The following NSD1 variants were observed in gnomAD, a reference collection of about 807,000 sequenced individuals.
NSD1 encodes the protein histone-lysine N-methyltransferase, H3 lysine-36 specific.
A neutral mutation model predicts 242.7 loss-of-function variants in NSD1; 26 were observed. The ratio of observed to expected loss-of-function variants is 0.11; its 90% confidence interval spans 0.08 to 0.15. NSD1 has a LOEUF of 0.15. Ranked by LOEUF, NSD1 falls within the 10% of genes least tolerant of loss-of-function variation. NSD1 has a pLI of 1.00. For missense variants in NSD1, 2,495 were observed against 3,272.8 expected, an observed-to-expected ratio of 0.76 and a Z score of 5.80; for synonymous variants, 1,106 against 1,178.1, an observed-to-expected ratio of 0.94 and a Z score of 1.25.
chr5:177,211,905 A>G lies in NSD1; in HGVS notation c.3506A>G (p.Lys1169Arg), dbSNP rs751854354. The G allele has an allele frequency of 6.2e-7, 1 of 1,609,458 alleles. No individual in the cohort carries two copies. Among genetic ancestry groups the G allele is most frequent in the South Asian group, 1.1e-5 (1 of 90,506 alleles). The change falls in exon 5 of 23, where the codon AAA becomes AGA. Residue 1169 changes from lysine (K) to arginine (R), a missense_variant. By Grantham distance (26) the Lys-to-Arg change is conservative. This residue lies in a region of NSD1 where 426 missense variants were observed against 411.4 expected (regional missense o/e 1.04). Transcript: ENST00000439151. The part of the protein sequence containing the change: ...RWQRLNQRRT[K>R]PRKRMNRFKE... ...CAGCGTTTAAACCAAAGGCGCACTAAACCTCGTAAGCGCATGAACAGATTT... is the reference window on the plus strand; with the variant it reads ...CAGCGTTTAAACCAAAGGCGCACTAGACCTCGTAAGCGCATGAACAGATTT...
In NSD1 at chr5:177,296,421, G is replaced by A; in HGVS notation, c.*962G>A. ...CCCTATTTCCCTAAAACACTCAGGT[G>A]CTTTCAGATTTCAGAGCCTCGGGCA... On this transcript the variant is annotated 3_prime_UTR_variant, in exon 23 of 23. Coordinates refer to ENST00000439151, the MANE Select transcript of NSD1 (RefSeq NM_022455.5). 1 of 233,312 alleles carries A rather than the reference G, an allele frequency of 4.3e-6. No homozygotes were observed. The highest frequency in any genetic ancestry group is 8.5e-6 in the Non-Finnish European group (1 of 118,078). 14.5% of individuals were successfully genotyped at this position (233,312 alleles called of 1,614,324 possible). A position where few individuals can be genotyped will look rare whatever the true frequency, so the allele number is the denominator to read the frequency against.
chr5:177,148,984 A>T (rs909057363), intron 2 of NSD1, among the ~76,000 whole-genome samples: 2 of 150,598 alleles, frequency 1.3e-5, no homozygotes, highest in Non-Finnish European at 3.0e-5. Context: ...TGCCTGGCTA[A>T]TTTTTTGTAT....
chr5:177,291,896 G>T, intron 21 of NSD1, 58 bp from the exon 22 acceptor site: 1 of 1,507,732 alleles, frequency 6.6e-7, no homozygotes, highest in Non-Finnish European at 9.2e-7. Flanking sequence ...AGTTAACCCG[G>T]TTAAGATTGG....
rs1185587844 is a variant in NSD1, at chr5:177,173,283, C to G, written c.928-18601C>G. Among the ~76,000 whole-genome samples the G allele has an allele frequency of 1.5e-4, 15 of 99,680 alleles. No individual in the cohort carries two copies. In the Admixed American group the frequency reaches 1.7e-3, roughly 12 times the overall value. The allele number at this position is 99,680 out of a possible 152,430, so 65.4% of individuals were successfully genotyped here. A position where few individuals can be genotyped will look rare whatever the true frequency, so the allele number is the denominator to read the frequency against. ...CTCCAGCCTTGGCGAAAGAGCTAGA[C>G]TCTGTCTCAAAAAAAAAAAAAAAAA... On this transcript the variant is annotated intron_variant, in intron 2 of 22. Coordinates refer to ENST00000439151, the MANE Select transcript of NSD1 (RefSeq NM_022455.5).
At chr5:177,138,859 G>C (rs1371898772) in intron 2 of NSD1, among the ~76,000 whole-genome samples, 1 of 149,504 alleles carries the variant, frequency 6.7e-6, no homozygotes, top group Non-Finnish European at 1.5e-5. Context: ...AGCTGGTCTC[G>C]AACTCCTGAC....
intron 17 of NSD1, among the ~76,000 whole-genome samples, chr5:177,279,610 ATTTTTTT>A (rs536478404): frequency 2.6e-4 from 25 of 95,432 alleles, no homozygotes; most frequent in African/African-American, 3.1e-4. Context: ...AGCTTTGAAA[ATTTTTTT>A]TTTTTTTTTT....
chr5:177,156,202 G>A (rs1037562566), intron 2 of NSD1, among the ~76,000 whole-genome samples: 1 of 71,956 alleles, frequency 1.4e-5, no homozygotes, highest in African/African-American at 6.9e-5. Context: ...TTTTTTTTGA[G>A]ATGGAGTCTT....
rs754938330 is a variant in NSD1, at chr5:177,211,394, C to T, written c.2995C>T (p.Leu999=). The T allele has an allele frequency of 1.9e-6, 3 of 1,614,034 alleles. No individual in the cohort carries two copies. The South Asian group carries it at 3.3e-5, about 18-fold the overall frequency. The change falls in exon 5 of 23, where the codon CTG becomes TTG. Residue 999 remains leucine, a synonymous_variant. Transcript: ENST00000439151. ...GTTGTCTGCTTCCCTACCTGGCTTA[C>T]TGTCCGACAAGAGAGACCTCCCTGC... ...GELSASLPGL[L]SDKRDLPASG...
chr5:177,288,999 A>G (rs1371841953), intron 21 of NSD1, 74 bp downstream of exon 21: 3 of 1,023,358 alleles, frequency 2.9e-6, no homozygotes, highest in East Asian at 4.8e-5. Context: ...AGGGCAGTCT[A>G]CATTTTAAGA....
chr5:177,299,112 G>C lies in NSD1; in HGVS notation c.*3653G>C, dbSNP rs78229296. On this transcript the variant is annotated 3_prime_UTR_variant, in exon 23 of 23. Transcript: ENST00000439151. ...TTCTCAGCTGAGCTTCCTAGGGCCA[G>C]TGCAACAGGGCCAGAGGCTGCTATA... 1.7e-3 allele frequency: 395 copies of C among 233,214 alleles called. 2 individuals carry two copies. The highest frequency in any genetic ancestry group is 8.1e-3 in the African/African-American group (367 of 45,450). The allele number at this position is 233,214 out of a possible 1,614,324, so 14.4% of individuals were successfully genotyped here. A position where few individuals can be genotyped will look rare whatever the true frequency, so the allele number is the denominator to read the frequency against.
intron 17 of NSD1, among the ~76,000 whole-genome samples, chr5:177,279,904 A>C (rs1758719769): frequency 6.6e-6 from 1 of 151,100 alleles, no homozygotes; most frequent in Admixed American, 6.6e-5. Context: ...GGTGTGAGCC[A>C]CCAGGCGCGG....
intron 5 of NSD1, among the ~76,000 whole-genome samples, chr5:177,220,596 G>A (rs2149863341): frequency 7.8e-6 from 1 of 127,734 alleles, no homozygotes; most frequent in South Asian, 2.6e-4. Flanking sequence ...TTGAAACAGA[G>A]GCTTGCTCTG....
upstream of NSD1, among the ~76,000 whole-genome samples, chr5:177,131,856 A>AT (rs1755911749): frequency 1.3e-5 from 2 of 152,348 alleles, no homozygotes; most frequent in Non-Finnish European, 2.9e-5. Context: ...AGGAGGCGGA[A>AT]TTTTTATGGC....
chr5:177,249,722 C>T (rs577022841), intron 11 of NSD1, among the ~76,000 whole-genome samples: 3 of 152,236 alleles, frequency 2.0e-5, no homozygotes, highest in East Asian at 1.9e-4. Flanking sequence ...CTCCTGACCT[C>T]GTGATCTGCC....
intron 2 of NSD1, among the ~76,000 whole-genome samples, chr5:177,145,170 C>A (rs944912094): frequency 6.6e-6 from 1 of 151,476 alleles, no homozygotes; most frequent in African/African-American, 2.4e-5. Flanking sequence ...CCCTCATTTA[C>A]ACTCTTAATA....
At position 177,295,026 on chromosome 5, in the gene NSD1, C is replaced by T. The variant is rs1256151767; in HGVS notation, c.7658C>T (p.Thr2553Ile). Residue 2553 changes from threonine (T) to isoleucine (I), a missense_variant, in exon 23 of 23, where the codon ACT becomes ATT. By Grantham distance (89) the Thr-to-Ile change is moderately conservative. Around this residue, in one of 19 missense-constraint regions of NSD1, gnomAD observed 475 missense variants for 563.7 expected, o/e 0.84. Coordinates refer to ENST00000439151, the MANE Select transcript of NSD1 (RefSeq NM_022455.5). The surrounding 1 kb of genome is among the most constrained non-coding windows in gnomAD (Gnocchi z 4.3). ...AAGGCCTTTTTATATGAGCCAACAA[C>T]TCAGGCCTCAGGAAGAGCTTCTGCA... ...PAKAFLYEPT[T>I]QASGRASAGA... 3 of 1,614,122 alleles carry T rather than the reference C, an allele frequency of 1.9e-6. No individual in the cohort carries two copies. Among genetic ancestry groups the T allele is most frequent in the Non-Finnish European group, 1.7e-6 (2 of 1,180,046 alleles).
chr5:177,230,883 A>C (rs1765003905), intron 5 of NSD1, among the ~76,000 whole-genome samples: 1 of 151,832 alleles, frequency 6.6e-6, no homozygotes, highest in Non-Finnish European at 1.5e-5. Context: ...GCCAAGAAGA[A>C]GACAAAGGAA....
intron 2 of NSD1, among the ~76,000 whole-genome samples, chr5:177,175,193 A>G (rs767800148): frequency 2.0e-5 from 3 of 152,126 alleles, no homozygotes; most frequent in Non-Finnish European, 4.4e-5. Context: ...CATTGTATTT[A>G]TTATATCATT....
chr5:177,204,178 G>C lies in NSD1; in HGVS notation c.1122G>C (p.Glu374Asp), dbSNP rs1762711141. Residue 374 changes from glutamate to aspartate, a missense_variant, in exon 4 of 23, where the codon GAG becomes GAC. This residue lies in a region of NSD1 where 65 missense variants were observed against 136.2 expected (regional missense o/e 0.48). Transcript: ENST00000439151. ...YYVEAFGDPS[E>D]RAWVAGKAIV... ...TGGAGGCTTTTGGAGATCCTTCTGA[G>C]AGAGCCTGGGTGGCTGGAAAAGCAA... is the stretch of plus-strand genomic sequence containing the variant. 1 of 1,614,054 alleles carries C rather than the reference G, an allele frequency of 6.2e-7. No homozygotes were observed. Among genetic ancestry groups the C allele is most frequent in the Non-Finnish European group, 8.5e-7 (1 of 1,180,030 alleles).
Sources: gnomAD v4.1 joint callset for allele counts (sites outside exome capture counted in the v4.1 genomes callset) on GRCh38, gnomAD v4.1.1 for gene constraint, gnomAD v4.1.1 regional missense constraint, Gnocchi (gnomAD v3.1) non-coding constraint, MANE v1.5 for transcripts, NCBI Gene and HGNC (gene_info 2026-07-23, HGNC 2026-07-21) for gene names.